ANO2: variants seen among roughly 807,000 people sequenced by gnomAD.
ANO2 encodes anoctamin-2.
In ANO2, 101 loss-of-function variants were observed where a neutral mutation model predicts 124.2. The ratio of observed to expected loss-of-function variants is 0.81; its 90% confidence interval spans 0.69 to 0.96. The LOEUF (loss-of-function observed/expected upper bound fraction) is 0.96. Among genes scored for constraint, ANO2 ranks in the 40% least tolerant of loss-of-function variants. The pLI is 0.00. For missense variants in ANO2, 1,293 were observed against 1,274.5 expected, an observed-to-expected ratio of 1.01 and a Z score of -0.22; for synonymous variants, 486 against 482.5, an observed-to-expected ratio of 1.01 and a Z score of -0.09.
At chr12:5,730,162 A>G (rs1950579878) in intron 14 of ANO2, among the ~76,000 whole-genome samples, 1 of 152,232 alleles carries the variant, frequency 6.6e-6, no homozygotes, top group Non-Finnish European at 1.5e-5. Flanking sequence ...ATATATAAAA[A>G]TATGCATATT....
intron 1 of ANO2, among the ~76,000 whole-genome samples, chr12:5,940,419 G>C (rs961457357): frequency 6.6e-6 from 1 of 152,208 alleles, no homozygotes; most frequent in African/African-American, 2.4e-5. Flanking sequence ...CCACACAGAA[G>C]CCGTCCAAGT....
intron 23 of ANO2, among the ~76,000 whole-genome samples, chr12:5,571,950 T>A (rs1193202574): frequency 4.6e-5 from 7 of 152,168 alleles, no homozygotes; most frequent in Non-Finnish European, 1.0e-4. Context: ...TTTGACATAT[T>A]ATGTCTAGAT....
chr12:5,829,127 A>G (rs1294779240), intron 6 of ANO2, among the ~76,000 whole-genome samples: 1 of 152,198 alleles, frequency 6.6e-6, no homozygotes, highest in Non-Finnish European at 1.5e-5. Context: ...ACGGGGCCCA[A>G]GAGTGTTTAA....
Position 5,647,868 on chromosome 12 carries a change from T to G in ANO2, c.1546-67A>C, listed in dbSNP as rs770324964. ...ATAACAGATATTAATTTGCTCTCAT[T>G]TGCATATATTTGCATGCGATTGATC... On this transcript the variant is annotated intron_variant, in intron 14 of 24. Coordinates refer to ENST00000682330, the MANE Select transcript of ANO2 (RefSeq NM_001364791.2). 3.9e-5 allele frequency: 43 copies of G among 1,098,572 alleles called. No homozygotes were observed. The Admixed American group carries it at 8.5e-4, about 22-fold the overall frequency. The allele number at this position is 1,098,572 out of a possible 1,614,324, so 68.1% of individuals were successfully genotyped here.
intron 19 of ANO2, 81 bp from the exon 20 acceptor site, chr12:5,599,710 CA>C: frequency 6.7e-7 from 1 of 1,495,244 alleles, no homozygotes; most frequent in East Asian, 2.3e-5. Context: ...AAAAAGAACA[CA>C]AAAGTTTTGA....
intron 7 of ANO2, among the ~76,000 whole-genome samples, chr12:5,826,522 C>A (rs1234068476): frequency 6.6e-6 from 1 of 151,262 alleles, no homozygotes; most frequent in African/African-American, 2.4e-5. Context: ...TAAGCTAATT[C>A]TCTCACCCAC....
intron 7 of ANO2, among the ~76,000 whole-genome samples, chr12:5,820,939 A>G (rs998979986): frequency 7.9e-5 from 12 of 152,372 alleles, no homozygotes; most frequent in African/African-American, 2.9e-4. Context: ...CCTGTCCATT[A>G]GGCCCACCAG....
intron 7 of ANO2, among the ~76,000 whole-genome samples, chr12:5,810,756 A>G (rs1209219251): frequency 1.9e-4 from 29 of 152,198 alleles, no homozygotes; most frequent in Admixed American, 1.9e-3. Context: ...CAGGTACTTC[A>G]TGCCTAGTGC....
Position 5,620,093 on chromosome 12 carries a change from C to T in ANO2, c.1817-4796G>A, listed in dbSNP as rs146256034. Among the ~76,000 whole-genome samples the T allele has an allele frequency of 2.0e-3, 304 of 152,264 alleles. 2 individuals are homozygous for T. Among genetic ancestry groups the T allele is most frequent in the African/African-American group, 7.0e-3 (289 of 41,558 alleles). On this transcript the variant is annotated intron_variant, in intron 16 of 24. Coordinates refer to ENST00000682330, the MANE Select transcript of ANO2 (RefSeq NM_001364791.2). ...GTGTTTGAGTGTGACACTCTAATAC[C>T]GTCTAGTATAAATCACTGGGAATTG...
intron 4 of ANO2, among the ~76,000 whole-genome samples, chr12:5,840,563 G>A (rs1322960139): frequency 1.3e-5 from 2 of 152,096 alleles, no homozygotes; most frequent in Admixed American, 6.5e-5. Flanking sequence ...ACAAACATTG[G>A]GAGATCCAAT....
intron 20 of ANO2, among the ~76,000 whole-genome samples, chr12:5,584,511 G>A (rs1337879123): frequency 6.6e-6 from 1 of 152,210 alleles, no homozygotes; most frequent in Non-Finnish European, 1.5e-5. Context: ...ACACTGGTAT[G>A]AGCTTGTCTT....
chr12:5,677,128 G>C (rs1388167161), intron 14 of ANO2, among the ~76,000 whole-genome samples: 1 of 151,444 alleles, frequency 6.6e-6, no homozygotes, highest in African/African-American at 2.4e-5. Context: ...TCTCAGGATT[G>C]GGGGGGAGAA....
At chr12:5,793,659 C>T (rs1171141007) in intron 10 of ANO2, among the ~76,000 whole-genome samples, 1 of 152,188 alleles carries the variant, frequency 6.6e-6, no homozygotes, top group East Asian at 1.9e-4. Context: ...CCTTGGGATC[C>T]ACCATCCATA....
intron 8 of ANO2, among the ~76,000 whole-genome samples, 179 bp from the exon 9 acceptor site, chr12:5,806,272 C>T (rs555490857): frequency 7.9e-5 from 12 of 152,294 alleles, no homozygotes; most frequent in African/African-American, 2.6e-4. Flanking sequence ...GCCATCAACA[C>T]TTGCCACATT....
At position 5,612,970 on chromosome 12, in the gene ANO2, C is replaced by T; in HGVS notation, c.1929-12G>A. 6.2e-7 allele frequency: 1 copy of T among 1,613,796 alleles called. No homozygotes were observed. Among genetic ancestry groups the T allele is most frequent in the East Asian group, 2.2e-5 (1 of 44,872 alleles). Reference sequence around the variant, plus strand: ...GCCTGCCCACAAACCTGAAATCAAACAGTGTGGGAAGAGTTAGGGGAAGAG... The same window carrying T: ...GCCTGCCCACAAACCTGAAATCAAATAGTGTGGGAAGAGTTAGGGGAAGAG... On this transcript the variant is annotated splice_polypyrimidine_tract_variant and intron_variant, in intron 17 of 24. Coordinates refer to ENST00000682330, the MANE Select transcript of ANO2 (RefSeq NM_001364791.2).
At position 5,900,845 on chromosome 12, in the gene ANO2, G is replaced by A. The variant is rs751417715; in HGVS notation, c.534+20195C>T. ...GTCAAGGCCAAGAGGGCAGGAAGGC[G>A]TCTCCTTGTTCTCGGCTCAGGAGAC... is the stretch of plus-strand genomic sequence containing the variant. On this transcript the variant is annotated intron_variant, in intron 3 of 24. Coordinates refer to ENST00000682330, the MANE Select transcript of ANO2 (RefSeq NM_001364791.2). This position sits in a 1 kb window ranked among gnomAD's most constrained non-coding sequence, Gnocchi z 4.2. Among the ~76,000 whole-genome samples the A allele has an allele frequency of 1.7e-4, 26 of 152,214 alleles. No homozygotes were observed. Among genetic ancestry groups the A allele is most frequent in the East Asian group, 1.2e-3 (6 of 5,200 alleles).
chr12:5,588,957 A>G (rs11063769), intron 20 of ANO2, among the ~76,000 whole-genome samples: 28,115 of 152,082 alleles, frequency 0.18, 3,203 homozygotes, highest in East Asian at 0.34. Context: ...GTCTCACCTG[A>G]CACCCTGGGA....
At chr12:5,879,647 G>A (rs1368190872) in intron 3 of ANO2, among the ~76,000 whole-genome samples, 1 of 152,204 alleles carries the variant, frequency 6.6e-6, no homozygotes, top group Non-Finnish European at 1.5e-5. Flanking sequence ...GACAATGCTT[G>A]AGCTAAGACC....
At chr12:5,760,065 T>C (rs185158494) in intron 10 of ANO2, among the ~76,000 whole-genome samples, 151 of 152,342 alleles carry the variant, frequency 9.9e-4, no homozygotes, top group Admixed American at 2.4e-3. Context: ...ACTTAAAGTA[T>C]GCTTTCTCAA....
Sources: allele counts gnomAD v4.1 joint callset (sites outside exome capture counted in the v4.1 genomes callset), GRCh38; gene constraint gnomAD v4.1.1; non-coding constraint Gnocchi (gnomAD v3.1); transcripts MANE v1.5; gene names NCBI Gene and HGNC (gene_info 2026-07-23, HGNC 2026-07-21).